SGCZ: variants seen among roughly 807,000 people sequenced by gnomAD.
SGCZ encodes the protein sarcoglycan zeta, also known as zeta-sarcoglycan.
SGCZ carries 40 observed loss-of-function variants against 41.3 expected under a neutral mutation model. The observed-to-expected ratio is 0.97, with a 90% CI of 0.75 to 1.26. The LOEUF (loss-of-function observed/expected upper bound fraction) is 1.26. Ranked by LOEUF, SGCZ falls within the 50% of genes most tolerant of loss-of-function variation. The pLI is 0.00. For missense variants in SGCZ, 552 were observed against 369.8 expected (o/e 1.49, Z -4.04); for synonymous variants, 206 against 137.5 (o/e 1.50, Z -3.49).
intron 1 of SGCZ, among the ~76,000 whole-genome samples, chr8:14,988,390 A>C (rs1440520729): frequency 1.3e-5 from 2 of 152,070 alleles, no homozygotes; most frequent in Non-Finnish European, 2.9e-5. Flanking sequence ...TGGAGATTAC[A>C]TAAAACTAAC....
chr8:14,967,359 C>A lies in SGCZ; in HGVS notation c.39+270226G>T, dbSNP rs148535236. Among the ~76,000 whole-genome samples the A allele has an allele frequency of 7.2e-5, 11 of 152,294 alleles. No individual in the cohort carries two copies. The East Asian group carries it at 1.9e-3, about 27-fold the overall frequency. On this transcript the variant is annotated intron_variant, in intron 1 of 7. Transcript: ENST00000382080. ...GGTCTAACTGCCCATGGTGCACACA[C>A]AGATTCTTACATGACATCAACCTTC...
chr8:14,483,701 A>G (rs1415227359), intron 2 of SGCZ, among the ~76,000 whole-genome samples: 1 of 152,238 alleles, frequency 6.6e-6, no homozygotes. Context: ...TTGATCCTGA[A>G]CTACTAATGG....
At chr8:15,028,150 C>A (rs1209080789) in intron 1 of SGCZ, among the ~76,000 whole-genome samples, 1 of 152,076 alleles carries the variant, frequency 6.6e-6, no homozygotes, top group Admixed American at 6.6e-5. Context: ...CTGGACTTGT[C>A]AGATAATAAA....
rs142687494 is a variant in SGCZ, at chr8:14,396,358, C to G, written c.235-72154G>C. 9.7e-4 allele frequency among the ~76,000 whole-genome samples: 148 copies of G among 152,078 alleles called. 1 individual carries two copies. The highest frequency in any genetic ancestry group is 3.5e-3 in the African/African-American group (147 of 41,482). On this transcript the variant is annotated intron_variant, in intron 2 of 7. Coordinates refer to ENST00000382080, the MANE Select transcript of SGCZ (RefSeq NM_139167.4). ...TTATTGCCACTAATATTTGATAAGC[C>G]CTGAGGAAAAGGGAGTGATAACTGA...
chr8:14,932,105 T>C (rs1292751698), intron 1 of SGCZ, among the ~76,000 whole-genome samples: 1 of 152,012 alleles, frequency 6.6e-6, no homozygotes, highest in East Asian at 1.9e-4. Flanking sequence ...GAATGTGACA[T>C]ATAAATTTTA....
chr8:14,223,668 A>G (rs898589979), intron 4 of SGCZ, among the ~76,000 whole-genome samples: 1 of 152,190 alleles, frequency 6.6e-6, no homozygotes, highest in African/African-American at 2.4e-5. Context: ...CTTAGCACCC[A>G]GCAGCATTCT....
intron 1 of SGCZ, among the ~76,000 whole-genome samples, chr8:14,961,218 A>G (rs1040295471): frequency 2.6e-5 from 4 of 151,980 alleles, no homozygotes; most frequent in Admixed American, 6.6e-5. Context: ...CTTTTTATCA[A>G]TATTTTTATT....
chr8:14,241,944 A>G (rs1798907164), intron 3 of SGCZ, among the ~76,000 whole-genome samples: 1 of 152,182 alleles, frequency 6.6e-6, no homozygotes, highest in Admixed American at 6.5e-5. Flanking sequence ...TATTGCCTTC[A>G]CTTTATTTAT....
chr8:14,626,151 A>T (rs1246538162), intron 1 of SGCZ, among the ~76,000 whole-genome samples: 2 of 151,934 alleles, frequency 1.3e-5, no homozygotes, highest in East Asian at 3.9e-4. Flanking sequence ...GTTTTATATC[A>T]TTTTTATTTT....
intron 1 of SGCZ, among the ~76,000 whole-genome samples, chr8:14,752,659 A>T (rs796199283): frequency 2.6e-5 from 4 of 152,328 alleles, no homozygotes; most frequent in African/African-American, 9.6e-5. Context: ...GAACTAGTAA[A>T]ATGTATCATA....
intron 2 of SGCZ, among the ~76,000 whole-genome samples, chr8:14,473,190 A>C (rs192886611): frequency 6.6e-6 from 1 of 152,272 alleles, no homozygotes; most frequent in East Asian, 1.9e-4. Context: ...AATGTATTAC[A>C]AAGGTTTATG....
intron 2 of SGCZ, among the ~76,000 whole-genome samples, chr8:14,329,911 A>C (rs1393209248): frequency 6.6e-6 from 1 of 151,708 alleles, no homozygotes; most frequent in Non-Finnish European, 1.5e-5. Flanking sequence ...TACTGCCAGC[A>C]GTTTTTTGTT....
intron 1 of SGCZ, among the ~76,000 whole-genome samples, chr8:14,752,123 C>CA (rs1799517508): frequency 3.8e-5 from 1 of 26,380 alleles, no homozygotes; most frequent in South Asian, 1.6e-3. Context: ...GAAAACAAAA[C>CA]AAAAAAGCCA....
Position 14,551,559 on chromosome 8 carries a change from T to A in SGCZ, c.234+3173A>T, listed in dbSNP as rs1249134811. 1.7e-3 allele frequency among the ~76,000 whole-genome samples: 32 copies of A among 19,108 alleles called. 2 individuals are homozygous for A. The highest frequency in any genetic ancestry group is 2.4e-3 in the South Asian group (2 of 838). The allele number at this position is 19,108 out of a possible 152,430, so 12.5% of individuals were successfully genotyped here. ...ATATATATAATATATATAATATATA[T>A]TATATATATAATATATATATAATAT... On this transcript the variant is annotated intron_variant, in intron 2 of 7. Transcript: ENST00000382080.
chr8:14,730,860 T>C lies in SGCZ; in HGVS notation c.40-175934A>G, dbSNP rs139930884. Among the ~76,000 whole-genome samples the C allele has an allele frequency of 3.2e-3, 479 of 151,924 alleles. 7 individuals are homozygous for C. Among genetic ancestry groups the C allele is most frequent in the East Asian group, 8.7e-3 (45 of 5,162 alleles). On this transcript the variant is annotated intron_variant, in intron 1 of 7. Transcript: ENST00000382080. Reference sequence around the variant, plus strand: ...CTGTAGCATCTCACACCAGTTAGAATGGCGATCAATAAAAAGTCAGGGAAC... The same window carrying C: ...CTGTAGCATCTCACACCAGTTAGAACGGCGATCAATAAAAAGTCAGGGAAC...
At chr8:14,980,558 C>A (rs771464230) in intron 1 of SGCZ, among the ~76,000 whole-genome samples, 3 of 152,100 alleles carry the variant, frequency 2.0e-5, no homozygotes, top group Non-Finnish European at 4.4e-5. Context: ...GCTGAGGAAG[C>A]CTCACAATCA....
chr8:14,563,698 G>C (rs1804274929), intron 1 of SGCZ, among the ~76,000 whole-genome samples: 1 of 152,070 alleles, frequency 6.6e-6, no homozygotes, highest in Non-Finnish European at 1.5e-5. Context: ...AAAAATCCAA[G>C]TTTCATCAAG....
chr8:14,551,563 A>ATATAT (rs1803852536), intron 2 of SGCZ, among the ~76,000 whole-genome samples: 1 of 21,170 alleles, frequency 4.7e-5, no homozygotes, highest in African/African-American at 3.6e-4. Flanking sequence ...TATATATTAT[A>ATATAT]TATATAATAT....
intron 2 of SGCZ, among the ~76,000 whole-genome samples, chr8:14,531,224 C>G (rs1434361384): frequency 6.6e-6 from 1 of 151,600 alleles, no homozygotes; most frequent in African/African-American, 2.4e-5. Flanking sequence ...ATACGTTTCC[C>G]CATTCTAAGC....
Sources: gnomAD v4.1 joint callset for allele counts (sites outside exome capture counted in the v4.1 genomes callset) on GRCh38, gnomAD v4.1.1 for gene constraint, MANE v1.5 for transcripts, NCBI Gene and HGNC (gene_info 2026-07-23, HGNC 2026-07-21) for gene names.